SLC25A13: variants seen among roughly 807,000 people sequenced by gnomAD.
The protein encoded by SLC25A13 is electrogenic aspartate/glutamate antiporter SLC25A13, mitochondrial.
Under a neutral mutation model 85.5 loss-of-function variants are expected in SLC25A13, and 70 were observed. The observed-to-expected ratio is 0.82, with a 90% CI of 0.68 to 1.00. SLC25A13 has a LOEUF of 1.00. Ranked by LOEUF, SLC25A13 falls within the 50% of genes least tolerant of loss-of-function variation. The pLI is 0.00. For missense variants in SLC25A13, 765 were observed against 819.8 expected, an observed-to-expected ratio of 0.93 and a Z score of 0.82; for synonymous variants, 259 against 288.7, an observed-to-expected ratio of 0.90 and a Z score of 1.04.
At position 96,131,870 on chromosome 7, in the gene SLC25A13, T is replaced by C. The variant is rs1244207348; in HGVS notation, c.1464A>G (p.Ala488=). 4 of 1,613,978 alleles carry C rather than the reference T, an allele frequency of 2.5e-6. No individual in the cohort carries two copies. In the African/African-American group the frequency reaches 4.0e-5, roughly 16 times the overall value. Residue 488 remains alanine, a synonymous_variant, in exon 15 of 18, where the codon GCA becomes GCG. Coordinates refer to ENST00000265631, the MANE Select transcript of SLC25A13 (RefSeq NM_014251.3). Reference sequence around the variant, plus strand: ...AGAAAGGAATGTCCCGCAGAAAGCATGCTTTGGCACCCTGCACATTTGCAA... The same window carrying C: ...AGAAAGGAATGTCCCGCAGAAAGCACGCTTTGGCACCCTGCACATTTGCAA... ...GFFGIYKGAK[A]CFLRDIPFSA...
intron 14 of SLC25A13, among the ~76,000 whole-genome samples, chr7:96,140,221 G>A (rs1284690848): frequency 1.3e-5 from 2 of 151,474 alleles, no homozygotes; most frequent in Non-Finnish European, 2.9e-5. Context: ...GCCTCCCAAA[G>A]TGCTGGGATT....
At chr7:96,298,039 A>G (rs992018754) in intron 1 of SLC25A13, among the ~76,000 whole-genome samples, 1 of 152,198 alleles carries the variant, frequency 6.6e-6, no homozygotes, top group African/African-American at 2.4e-5. Context: ...CCAACACCCA[A>G]TCCTCCTAGC....
At chr7:96,127,543 G>A (rs1186542284) in intron 15 of SLC25A13, among the ~76,000 whole-genome samples, 1 of 152,080 alleles carries the variant, frequency 6.6e-6, no homozygotes, top group Non-Finnish European at 1.5e-5. Flanking sequence ...CTAACCTCAA[G>A]GCTAATCAAA....
intron 2 of SLC25A13, among the ~76,000 whole-genome samples, chr7:96,277,549 C>A (rs1798506643): frequency 6.6e-6 from 1 of 152,066 alleles, no homozygotes. Flanking sequence ...GCAATGTTTT[C>A]CCACAGGGAC....
At chr7:96,138,063 G>A (rs1262341873) in intron 14 of SLC25A13, among the ~76,000 whole-genome samples, 2 of 152,108 alleles carry the variant, frequency 1.3e-5, no homozygotes, top group African/African-American at 4.8e-5. Context: ...AGGTTCTACT[G>A]GTGACACACT....
At chr7:96,280,339 T>C (rs1350992350) in intron 2 of SLC25A13, among the ~76,000 whole-genome samples, 1 of 152,196 alleles carries the variant, frequency 6.6e-6, no homozygotes, top group Non-Finnish European at 1.5e-5. Context: ...TTGGCCATGA[T>C]CACTCCTTGA....
chr7:96,185,553 G>A (rs1794602366), intron 9 of SLC25A13, among the ~76,000 whole-genome samples: 1 of 151,498 alleles, frequency 6.6e-6, no homozygotes, highest in Non-Finnish European at 1.5e-5. Flanking sequence ...CTGAGATCAC[G>A]CCACTGCACT....
chr7:96,194,643 G>A (rs1244694377), intron 5 of SLC25A13, among the ~76,000 whole-genome samples: 1 of 152,028 alleles, frequency 6.6e-6, no homozygotes, highest in Non-Finnish European at 1.5e-5. Context: ...TAAGGGAAAT[G>A]ACATGAGTCT....
At chr7:96,185,053 G>A (rs749113073) in intron 9 of SLC25A13, 42 bp from the exon 10 acceptor site, 8 of 1,530,406 alleles carry the variant, frequency 5.2e-6, no homozygotes, top group Non-Finnish European at 6.3e-6. Context: ...GAAAACAGGT[G>A]ACAGAAAAGA....
chr7:96,277,457 T>G, intron 2 of SLC25A13, 119 bp from the exon 3 acceptor site: 1 of 934,660 alleles, frequency 1.1e-6, no homozygotes. Context: ...GATATGATCA[T>G]GTACGCTTCA....
chr7:96,184,186 C>T (rs1794532072), intron 11 of SLC25A13, 91 bp downstream of exon 11: 1 of 1,463,170 alleles, frequency 6.8e-7, no homozygotes, highest in Non-Finnish European at 9.6e-7. Flanking sequence ...CATTTTAACG[C>T]AGTCTTGCTA....
chr7:96,234,853 T>C lies in SLC25A13; in HGVS notation c.277A>G (p.Met93Val), dbSNP rs1562865955. The C allele has an allele frequency of 2.5e-6, 4 of 1,613,680 alleles. No homozygotes were observed. Among genetic ancestry groups the C allele is most frequent in the Non-Finnish European group, 2.5e-6 (3 of 1,179,878 alleles). The change falls in exon 4 of 18, where the codon ATG becomes GTG. Residue 93 changes from methionine to valine, a missense_variant. By Grantham distance (21) the Met-to-Val change is conservative. Coordinates refer to ENST00000265631, the MANE Select transcript of SLC25A13 (RefSeq NM_014251.3). ...SVLCAPDALF[M>V]VAFQLFDKAG... is the part of the protein sequence containing the mutation. Reference sequence around the variant, plus strand: ...TTGTCAAACAGCTGAAAGGCTACCATAAACAAAGCATCAGGGGCACACAGG... The same window carrying C: ...TTGTCAAACAGCTGAAAGGCTACCACAAACAAAGCATCAGGGGCACACAGG...
chr7:96,286,818 C>T (rs567238889), intron 2 of SLC25A13, among the ~76,000 whole-genome samples: 18 of 152,284 alleles, frequency 1.2e-4, no homozygotes, highest in African/African-American at 3.8e-4. Flanking sequence ...TTTTAATCCC[C>T]TAGGAGCCCT....
intron 1 of SLC25A13, among the ~76,000 whole-genome samples, chr7:96,301,635 T>G (rs1413069549): frequency 2.6e-5 from 4 of 151,010 alleles, no homozygotes; most frequent in African/African-American, 7.3e-5. Context: ...GTGTTTTGTT[T>G]TTTTTTTTTT....
intron 13 of SLC25A13, among the ~76,000 whole-genome samples, chr7:96,149,561 T>C (rs534352318): frequency 8.7e-4 from 133 of 152,302 alleles, no homozygotes; most frequent in African/African-American, 2.9e-3. Flanking sequence ...AGAAAGAATG[T>C]AGTGATATCA....
intron 2 of SLC25A13, 55 bp downstream of exon 2, chr7:96,296,843 A>C: frequency 6.7e-7 from 1 of 1,488,462 alleles, no homozygotes; most frequent in South Asian, 1.2e-5. Context: ...AATAATATTT[A>C]AAAGTTATAG....
rs377625433 is a variant in SLC25A13, at chr7:96,263,492, C to T, written c.212+13704G>A. 8.2e-4 allele frequency among the ~76,000 whole-genome samples: 125 copies of T among 152,012 alleles called. 1 individual carries two copies. The Middle Eastern group carries it at 0.02, about 25-fold the overall frequency. On this transcript the variant is annotated intron_variant, in intron 3 of 17. Coordinates refer to ENST00000265631, the MANE Select transcript of SLC25A13 (RefSeq NM_014251.3). ...TAGGGATGAGCTTTCCTCTTGCAGT[C>T]CTAGGTTGCACCAGGCCTATAAGCA...
At chr7:96,314,056 A>G (rs1270950240) in intron 1 of SLC25A13, among the ~76,000 whole-genome samples, 21 of 152,260 alleles carry the variant, frequency 1.4e-4, no homozygotes, top group Non-Finnish European at 1.5e-5. Flanking sequence ...AAATAAAAAT[A>G]TATCTTTGCT....
chr7:96,243,124 C>G (rs1310337227), intron 3 of SLC25A13, among the ~76,000 whole-genome samples: 1 of 152,172 alleles, frequency 6.6e-6, no homozygotes, highest in Non-Finnish European at 1.5e-5. Flanking sequence ...CGCCACCATC[C>G]CCGGCTAATT....
Sources: gnomAD v4.1 joint callset for allele counts (sites outside exome capture counted in the v4.1 genomes callset) on GRCh38, gnomAD v4.1.1 for gene constraint, MANE v1.5 for transcripts, NCBI Gene and HGNC (gene_info 2026-07-23, HGNC 2026-07-21) for gene names.